Variants in MAP1S observed in about 807,000 individuals in gnomAD.
MAP1S encodes microtubule-associated protein 1S.
A neutral mutation model predicts 60.9 loss-of-function variants in MAP1S; 27 were observed. The observed-to-expected ratio is 0.44, with a 90% CI of 0.33 to 0.61. The LOEUF (loss-of-function observed/expected upper bound fraction) is 0.61. Among genes scored for constraint, MAP1S ranks in the 20% least tolerant of loss-of-function variants. MAP1S has a pLI of 0.03. For missense variants in MAP1S, 1,608 were observed against 1,486.6 expected (o/e 1.08, Z -1.34); for synonymous variants, 826 against 694.2 (o/e 1.19, Z -2.98).
At chr19:17,721,546 C>T (rs1249952748) in intron 2 of MAP1S, 2 of 199,080 alleles carry the variant, frequency 1.0e-5, no homozygotes, top group Non-Finnish European at 2.1e-5. Context: ...TGGTGGCAGG[C>T]GCCTCTAATC....
intron 5 of MAP1S, 61 bp from the exon 6 acceptor site, chr19:17,733,132 A>C: frequency 8.4e-7 from 1 of 1,190,712 alleles, no homozygotes; most frequent in East Asian, 2.6e-5. Context: ...TCGAACTTGG[A>C]GCCTCGGCCC....
Position 17,727,734 on chromosome 19 carries a change from C to T in MAP1S, c.2350C>T (p.Pro784Ser), listed in dbSNP as rs779493674. 1.9e-6 allele frequency: 3 copies of T among 1,606,512 alleles called. No individual in the cohort carries two copies. The highest frequency in any genetic ancestry group is 1.7e-5 in the Admixed American group (1 of 59,562). ...AGGLGAEETPPTSVSESLPTL... is the reference protein window; with the variant it reads ...AGGLGAEETPSTSVSESLPTL... ...TGGGCTGGGGGCCGAGGAGACGCCA[C>T]CCACATCGGTCAGCGAGTCCCTGCC... The change falls in exon 5 of 7, where the codon CCC (proline) becomes TCC (serine). Residue 784 changes from proline (P) to serine (S), a missense_variant. This residue lies in a region of MAP1S where 1,167 missense variants were observed against 961.4 expected (regional missense o/e 1.21). Transcript: ENST00000324096. This position sits in a 1 kb window ranked among gnomAD's most constrained non-coding sequence, Gnocchi z 4.1.
chr19:17,720,303 C>G, intron 1 of MAP1S: 1 of 1,446,384 alleles, frequency 6.9e-7, no homozygotes, highest in Non-Finnish European at 9.1e-7. Flanking sequence ...TAAAATGGGA[C>G]AGGAACACGC....
intron 1 of MAP1S, chr19:17,720,636 G>C (rs2080362373): frequency 1.1e-6 from 1 of 900,044 alleles, no homozygotes; most frequent in Non-Finnish European, 1.6e-6. Context: ...GGAAACAGCT[G>C]TTGCAAGGGC....
intron 2 of MAP1S, among the ~76,000 whole-genome samples, chr19:17,723,739 A>T: frequency 6.6e-6 from 1 of 151,858 alleles, no homozygotes; most frequent in Non-Finnish European, 1.5e-5. Context: ...AGTCCTGGCT[A>T]CTCGGGAGGC....
chr19:17,730,943 C>T (rs2080488261), intron 5 of MAP1S, among the ~76,000 whole-genome samples: 1 of 148,808 alleles, frequency 6.7e-6, no homozygotes, highest in Non-Finnish European at 1.5e-5. Context: ...CAGGCTGCAG[C>T]ATGGGAGCAC....
Position 17,727,164 on chromosome 19 carries a change from C to A in MAP1S, c.1780C>A (p.Pro594Thr), listed in dbSNP as rs747552924. The A allele has an allele frequency of 1.9e-5, 30 of 1,587,182 alleles. No homozygotes were observed. The East Asian group carries it at 6.2e-4, about 33-fold the overall frequency. The change falls in exon 5 of 7, where the codon CCC becomes ACC. Residue 594 changes from proline to threonine, a missense_variant. Pro to Thr is a conservative substitution (Grantham distance 38). Around this residue, in one of 4 missense-constraint regions of MAP1S, gnomAD observed 1,167 missense variants for 961.4 expected, o/e 1.21. Transcript: ENST00000324096. This position sits in a 1 kb window ranked among gnomAD's most constrained non-coding sequence, Gnocchi z 4.1. The part of the protein sequence containing the change: ...PSLRCGEASP[P>T]SAACGSPASQ... ...CCTCCGATGTGGAGAAGCCAGCCCCCCCAGTGCAGCCTGCGGCTCTCCGGC... is the reference window on the plus strand; with the variant it reads ...CCTCCGATGTGGAGAAGCCAGCCCCACCAGTGCAGCCTGCGGCTCTCCGGC...
At chr19:17,720,733 G>A (rs536222480) in intron 1 of MAP1S, 15 of 622,574 alleles carry the variant, frequency 2.4e-5, no homozygotes, top group African/African-American at 2.0e-4. Flanking sequence ...GATGAATCTT[G>A]TGTGTAAAAT....
intron 2 of MAP1S, 52 bp from the exon 3 acceptor site, chr19:17,724,074 G>T (rs1169273060): frequency 3.5e-6 from 5 of 1,442,194 alleles, no homozygotes; most frequent in Non-Finnish European, 3.9e-6. Context: ...GTTCCCTGAG[G>T]GTCACACGGG....
intron 5 of MAP1S, among the ~76,000 whole-genome samples, chr19:17,729,747 C>G (rs906072251): frequency 2.0e-5 from 3 of 152,166 alleles, no homozygotes; most frequent in African/African-American, 7.2e-5. Flanking sequence ...ACTGCAACCT[C>G]TACCTCCCGG....
At chr19:17,722,653 G>A (rs1192668283) in intron 2 of MAP1S, among the ~76,000 whole-genome samples, 2 of 151,468 alleles carry the variant, frequency 1.3e-5, no homozygotes, top group African/African-American at 2.4e-5. Context: ...GGAGACTGAG[G>A]TTGGAGAATT....
chr19:17,724,271 C>T (rs1888936682), intron 3 of MAP1S, 63 bp downstream of exon 3: 1 of 1,339,994 alleles, frequency 7.5e-7, no homozygotes, highest in Admixed American at 1.7e-5. Context: ...CTCTGTCTTC[C>T]TGTCTCGTGT....
chr19:17,727,001 G>A lies in MAP1S; in HGVS notation c.1617G>A (p.Arg539=), dbSNP rs1352526768. ...CGAGTGTCTCCCGGACCCAGCCGCG[G>A]GAGGTGCGCCGGGCAGCCTCTTCTG... ...PKPSVSRTQP[R]EVRRAASSVP... is the part of the protein sequence containing the mutation. The change falls in exon 5 of 7, where the codon CGG becomes CGA. Residue 539 remains arginine (R), a synonymous_variant. Coordinates refer to ENST00000324096, the MANE Select transcript of MAP1S (RefSeq NM_018174.6). This position sits in a 1 kb window ranked among gnomAD's most constrained non-coding sequence, Gnocchi z 4.1. The A allele has an allele frequency of 6.3e-7, 1 of 1,581,120 alleles. No individual in the cohort carries two copies. Among genetic ancestry groups the A allele is most frequent in the Admixed American group, 1.8e-5 (1 of 54,840 alleles).
At position 17,727,347 on chromosome 19, in the gene MAP1S, T is replaced by G; in HGVS notation, c.1963T>G (p.Ser655Ala). 1 of 1,588,150 alleles carries G rather than the reference T, an allele frequency of 6.3e-7. No homozygotes were observed. Among genetic ancestry groups the G allele is most frequent in the Non-Finnish European group, 8.5e-7 (1 of 1,171,004 alleles). The stretch of plus-strand genomic sequence containing the variant: ...CCCCGCAGAGGGCAGCGAGCGGCTG[T>G]CGCTGAGCCCACTGCGGGGCGGGGA... Reference protein sequence around the residue: ...RSPAEGSERLSLSPLRGGEAG... With the variant: ...RSPAEGSERLALSPLRGGEAG... The change falls in exon 5 of 7, where the codon TCG becomes GCG. Residue 655 changes from serine to alanine, a missense_variant. Coordinates refer to ENST00000324096, the MANE Select transcript of MAP1S (RefSeq NM_018174.6). This position sits in a 1 kb window ranked among gnomAD's most constrained non-coding sequence, Gnocchi z 4.1.
intron 1 of MAP1S, chr19:17,719,896 A>G: frequency 6.1e-6 from 1 of 164,398 alleles, no homozygotes; most frequent in Non-Finnish European, 1.3e-5. Context: ...GGGAGGGGAC[A>G]CGGGCCTGGG....
rs771856629 is a variant in MAP1S, at chr19:17,727,928, G to T, written c.2544G>T (p.Leu848=). 1 of 1,610,202 alleles carries T rather than the reference G, an allele frequency of 6.2e-7. No homozygotes were observed. Among genetic ancestry groups the T allele is most frequent in the African/African-American group, 1.3e-5 (1 of 74,758 alleles). Residue 848 remains leucine, a synonymous_variant, in exon 5 of 7, where the codon CTG becomes CTT. Coordinates refer to ENST00000324096, the MANE Select transcript of MAP1S (RefSeq NM_018174.6). The surrounding 1 kb of genome is among the most constrained non-coding windows in gnomAD (Gnocchi z 4.1). ...SSICMVDPEM[L]PPKTARQTEN... is the part of the protein sequence containing the mutation. The stretch of plus-strand genomic sequence containing the variant: ...TCTGCATGGTGGACCCCGAGATGCT[G>T]CCCCCCAAGACAGCACGGCAAACGG...
At position 17,726,364 on chromosome 19, in the gene MAP1S, G is replaced by A. The variant is rs755849795; in HGVS notation, c.980G>A (p.Arg327His). ...AGGGSWDDRL[R>H]RLISPNLGVV... Reference sequence around the variant, plus strand: ...GGGGGCTCCTGGGACGACAGGCTGCGCAGGCTCATCTCCCCCAACCTGGGG... The same window carrying A: ...GGGGGCTCCTGGGACGACAGGCTGCACAGGCTCATCTCCCCCAACCTGGGG... Residue 327 changes from arginine (R) to histidine (H), a missense_variant, in exon 5 of 7, where the codon CGC becomes CAC. Arg to His is a conservative substitution (Grantham distance 29). Around this residue, in one of 4 missense-constraint regions of MAP1S, gnomAD observed 1,167 missense variants for 961.4 expected, o/e 1.21. Coordinates refer to ENST00000324096, the MANE Select transcript of MAP1S (RefSeq NM_018174.6). 1.9e-6 allele frequency: 3 copies of A among 1,597,498 alleles called. No individual in the cohort carries two copies. The highest frequency in any genetic ancestry group is 1.7e-6 in the Non-Finnish European group (2 of 1,177,660).
At chr19:17,733,877 CAT>C (rs1224110266) in intron 6 of MAP1S, among the ~76,000 whole-genome samples, 3 of 152,354 alleles carry the variant, frequency 2.0e-5, no homozygotes, top group African/African-American at 7.2e-5. Flanking sequence ...CCTGCCCTCT[CAT>C]AGCTGCTAGG....
intron 5 of MAP1S, among the ~76,000 whole-genome samples, chr19:17,729,448 C>G (rs989779606): frequency 2.0e-5 from 3 of 152,164 alleles, no homozygotes; most frequent in African/African-American, 7.2e-5. Context: ...AGAGACCAGC[C>G]AAAGGCTCAC....
Sources: gnomAD v4.1 joint callset for allele counts (sites outside exome capture counted in the v4.1 genomes callset) on GRCh38, gnomAD v4.1.1 for gene constraint, gnomAD v4.1.1 regional missense constraint, Gnocchi (gnomAD v3.1) non-coding constraint, MANE v1.5 for transcripts, NCBI Gene and HGNC (gene_info 2026-07-23, HGNC 2026-07-21) for gene names.